PTK2: variants seen among roughly 807,000 people sequenced by gnomAD.
The protein encoded by PTK2 is protein tyrosine kinase 2.
PTK2 carries 45 observed loss-of-function variants against 150.1 expected under a neutral mutation model. The observed-to-expected ratio is 0.30, with a 90% CI of 0.24 to 0.38. PTK2 has a LOEUF of 0.38. PTK2 is among the 10% of genes least tolerant of loss of function. PTK2 has a pLI of 1.00. For synonymous variants in PTK2, 432 were observed against 449.2 expected (o/e 0.96, Z 0.48); for missense variants, 919 against 1,307.3 (o/e 0.70, Z 4.58).
intron 15 of PTK2, 51 bp from the exon 18 acceptor site, chr8:140,762,439 C>T: frequency 1.0e-6 from 1 of 1,001,568 alleles, no homozygotes. Context: ...TTAGAAATAA[C>T]TAACAGCAAT....
chr8:140,835,943 G>T (rs1006203028), intron 7 of PTK2, among the ~76,000 whole-genome samples: 14 of 152,202 alleles, frequency 9.2e-5, no homozygotes, highest in Admixed American at 8.5e-4. Flanking sequence ...GTATGGGGTT[G>T]GGGGAGTGAG....
At chr8:140,971,239 G>T (rs781675009) in intron 1 of PTK2, among the ~76,000 whole-genome samples, 1 of 152,218 alleles carries the variant, frequency 6.6e-6, no homozygotes, top group Non-Finnish European at 1.5e-5. Context: ...GCAGACAAAT[G>T]ATTTGCTGCA....
intron 23 of PTK2, among the ~76,000 whole-genome samples, chr8:140,712,252 CAT>C (rs2100037239): frequency 2.0e-5 from 3 of 151,796 alleles, no homozygotes; most frequent in African/African-American, 7.3e-5. Context: ...AAGAAGGACA[CAT>C]GTACATCTAC....
At chr8:140,800,864 C>T (rs1308948861) in intron 11 of PTK2, among the ~76,000 whole-genome samples, 1 of 151,996 alleles carries the variant, frequency 6.6e-6, no homozygotes, top group Non-Finnish European at 1.5e-5. Flanking sequence ...AGTGTCTGGC[C>T]CCTCTGGCAT....
intron 26 of PTK2, among the ~76,000 whole-genome samples, chr8:140,691,565 A>C (rs1590364573): frequency 1.3e-5 from 2 of 152,310 alleles, no homozygotes; most frequent in Admixed American, 1.3e-4. Flanking sequence ...ATGAAGACAG[A>C]GGCTATGAAG....
intron 23 of PTK2, among the ~76,000 whole-genome samples, chr8:140,707,657 A>T (rs1407190666): frequency 1.3e-5 from 2 of 152,210 alleles, no homozygotes; most frequent in Non-Finnish European, 2.9e-5. Context: ...TGCCTGCCTC[A>T]GCCTCCCACA....
chr8:140,889,674 ACTTC>A (rs1162930060), intron 3 of PTK2, among the ~76,000 whole-genome samples: 1 of 152,124 alleles, frequency 6.6e-6, no homozygotes, highest in African/African-American at 2.4e-5. Context: ...ACGTATCTAA[ACTTC>A]CTTGTCACTG....
intron 20 of PTK2, among the ~76,000 whole-genome samples, chr8:140,740,780 T>TAAATGACTAAACAATTA (rs1309758227): frequency 6.6e-6 from 1 of 152,258 alleles, no homozygotes; most frequent in Non-Finnish European, 1.5e-5. Context: ...TTTTTAAAGT[T>TAAATGACTAAACAATTA]AAATGACTAA....
intron 1 of PTK2, among the ~76,000 whole-genome samples, chr8:140,936,576 AAAG>A (rs997081469): frequency 3.9e-5 from 6 of 152,176 alleles, no homozygotes; most frequent in African/African-American, 1.4e-4. Flanking sequence ...TAAAAAAAAA[AAAG>A]ATCAGATCTT....
At chr8:140,768,890 T>C (rs1565978530) in intron 14 of PTK2, among the ~76,000 whole-genome samples, 1 of 152,118 alleles carries the variant, frequency 6.6e-6, no homozygotes, top group Non-Finnish European at 1.5e-5. Context: ...AAAATGAACA[T>C]AGGTGAAATC....
At chr8:140,916,670 T>C (rs2100165382) in intron 2 of PTK2, among the ~76,000 whole-genome samples, 1 of 152,162 alleles carries the variant, frequency 6.6e-6, no homozygotes, top group Admixed American at 6.5e-5. Context: ...TACGCAAACA[T>C]CTGAGAGTAG....
chr8:140,662,197 G>T lies in PTK2; in HGVS notation c.2947-2519C>A, dbSNP rs370021282. 2.7e-4 allele frequency among the ~76,000 whole-genome samples: 41 copies of T among 151,978 alleles called. 1 individual carries two copies. The highest frequency in any genetic ancestry group is 9.7e-4 in the African/African-American group (40 of 41,450). ...CTGTAATCCCAGCTACTTGGGAGGC[G>T]GAGGCAGGAAGATCACTTGAGCTCA... is the stretch of plus-strand genomic sequence containing the variant. On this transcript the variant is annotated intron_variant, in intron 31 of 31. Transcript: ENST00000522684.
At chr8:140,717,572 A>G (rs368836516) in intron 23 of PTK2, 26 bp downstream of exon 26, 146 of 1,564,546 alleles carry the variant, frequency 9.3e-5, no homozygotes, top group Admixed American at 1.7e-5. Context: ...GAGTAACCCC[A>G]AAGTTGGGGT....
At chr8:140,829,259 A>G (rs2100113827) in intron 8 of PTK2, among the ~76,000 whole-genome samples, 1 of 148,320 alleles carries the variant, frequency 6.7e-6, no homozygotes, top group Non-Finnish European at 1.5e-5. Flanking sequence ...TTAGATTATC[A>G]AGAAGCTATG....
chr8:140,751,641 G>A (rs1336061303), intron 17 of PTK2, among the ~76,000 whole-genome samples: 1 of 151,994 alleles, frequency 6.6e-6, no homozygotes, highest in Non-Finnish European at 1.5e-5. Context: ...ACAGGTGCGT[G>A]CCACTATGCA....
At chr8:140,678,196 G>A (rs1431141987) in intron 27 of PTK2, among the ~76,000 whole-genome samples, 1 of 152,056 alleles carries the variant, frequency 6.6e-6, no homozygotes, top group Admixed American at 6.6e-5. Context: ...ACAAACGCCC[G>A]CCACGATGCC....
At chr8:140,663,258 T>A (rs1197603211) in intron 31 of PTK2, among the ~76,000 whole-genome samples, 1 of 46,872 alleles carries the variant, frequency 2.1e-5, no homozygotes, top group Non-Finnish European at 5.7e-5. Flanking sequence ...TGGAGCAAGG[T>A]GACAATGTGC....
rs1407531030 is a variant in PTK2 at position 140,669,310 on chromosome 8, T to C, written c.2710-886A>G. 1.2e-3 allele frequency: 51 copies of C among 43,366 alleles called. 1 individual carries two copies. Among genetic ancestry groups the C allele is most frequent in the African/African-American group, 2.7e-3 (49 of 17,858 alleles). 2.7% of individuals were successfully genotyped at this position (43,366 alleles called of 1,614,324 possible). Reference sequence around the variant, plus strand: ...ACACCAGCATAAAATGGTATATATATATATATATATATATATATATATATA... The same window carrying C: ...ACACCAGCATAAAATGGTATATATACATATATATATATATATATATATATA... On this transcript the variant is annotated intron_variant, in intron 29 of 31. Transcript: ENST00000522684.
At chr8:140,785,538 T>C (rs2100084455) in intron 14 of PTK2, among the ~76,000 whole-genome samples, 1 of 151,858 alleles carries the variant, frequency 6.6e-6, no homozygotes, top group Non-Finnish European at 1.5e-5. Flanking sequence ...GGTACTGACA[T>C]ATGAACCCAG....
Sources: allele counts gnomAD v4.1 joint callset (sites outside exome capture counted in the v4.1 genomes callset), GRCh38; gene constraint gnomAD v4.1.1; transcripts MANE v1.5; gene names NCBI Gene and HGNC (gene_info 2026-07-23, HGNC 2026-07-21).